Variants in ZNF75D observed in about 807,000 individuals in gnomAD.
The protein encoded by ZNF75D is zinc finger protein 75.
A neutral mutation model predicts 33.3 loss-of-function variants in ZNF75D; 33 were observed. The ratio of observed to expected loss-of-function variants is 0.99; its 90% confidence interval spans 0.75 to 1.32. The LOEUF (loss-of-function observed/expected upper bound fraction) is 1.32, where lower values mean the gene tolerates loss of function less well. Ranked by LOEUF, ZNF75D falls within the 40% of genes most tolerant of loss-of-function variation. ZNF75D has a pLI of 0.00. For missense variants in ZNF75D, 338 were observed against 367.5 expected, an observed-to-expected ratio of 0.92 and a Z score of 0.66; for synonymous variants, 113 against 130.6, an observed-to-expected ratio of 0.87 and a Z score of 0.92.
intron 1 of ZNF75D, among the ~76,000 whole-genome samples, chrX:135,275,965 T>G (rs2083897905): frequency 1.8e-5 from 2 of 111,740 alleles, no homozygotes; most frequent in African/African-American, 6.5e-5. Context: ...TTGAAAATAT[T>G]CTTAATCCAT....
chrX:135,302,535 G>T (rs2084230952), intron 1 of ZNF75D, among the ~76,000 whole-genome samples: 1 of 112,800 alleles, frequency 8.9e-6, no homozygotes, highest in Non-Finnish European at 1.9e-5. Flanking sequence ...GTGTAGCAGA[G>T]CGGGACTTAA....
chrX:135,285,593 GT>G (rs1556419180), downstream of ZNF75D, among the ~76,000 whole-genome samples: 1 of 112,649 alleles, frequency 8.9e-6, no homozygotes, highest in African/African-American at 3.2e-5. Context: ...AGTTCCAAAT[GT>G]TTAGGAAACA....
chrX:135,258,845 T>C (rs1221869520), intron 1 of ZNF75D, among the ~76,000 whole-genome samples: 1 of 112,283 alleles, frequency 8.9e-6, no homozygotes, highest in Non-Finnish European at 1.9e-5. Context: ...TTGCTTTCGA[T>C]GTTTTAGTCA....
intron 1 of ZNF75D, among the ~76,000 whole-genome samples, chrX:135,257,885 A>G (rs2148458241): frequency 9.1e-6 from 1 of 110,387 alleles, no homozygotes; most frequent in South Asian, 3.9e-4. Context: ...GGTTTTATAC[A>G]TGTGCCATGC....
chrX:135,338,223 T>C (rs186510132), intron 1 of ZNF75D, among the ~76,000 whole-genome samples: 1 of 111,291 alleles, frequency 9.0e-6, no homozygotes, highest in East Asian at 2.8e-4. Context: ...CACTGTCTTC[T>C]GTCTCCTGGC....
intron 6 of ZNF75D, among the ~76,000 whole-genome samples, chrX:135,288,386 T>C (rs1174294613): frequency 8.9e-6 from 1 of 112,691 alleles, no homozygotes; most frequent in Non-Finnish European, 1.9e-5. Context: ...ACATTTTCCA[T>C]GAACTAATGA....
At chrX:135,303,933 G>T (rs1556425297) in intron 1 of ZNF75D, among the ~76,000 whole-genome samples, 2 of 112,709 alleles carry the variant, frequency 1.8e-5, no homozygotes, top group Non-Finnish European at 1.9e-5. Context: ...AAGCAGTTGG[G>T]CTCCTTAAAC....
intron 1 of ZNF75D, among the ~76,000 whole-genome samples, chrX:135,301,593 G>A (rs1409498258): frequency 1.8e-5 from 2 of 112,270 alleles, no homozygotes; most frequent in Non-Finnish European, 3.8e-5. Context: ...CCCCATGCAA[G>A]ACCCAAACAC....
chrX:135,315,902 GGAGAA>G (rs1434017725), intron 1 of ZNF75D, among the ~76,000 whole-genome samples: 3 of 111,390 alleles, frequency 2.7e-5, no homozygotes, highest in Non-Finnish European at 5.7e-5. Context: ...ATTTTTAAGT[GGAGAA>G]ATTAATCCTT....
intron 1 of ZNF75D, among the ~76,000 whole-genome samples, chrX:135,329,346 T>C (rs781942472): frequency 6.2e-5 from 7 of 112,030 alleles, no homozygotes; most frequent in African/African-American, 2.3e-4. Context: ...TGCAGTGGTA[T>C]GATCTTGGCT....
At chrX:135,284,805 C>G (rs781807269), downstream of ZNF75D, among the ~76,000 whole-genome samples, 1 of 111,830 alleles carries the variant, frequency 8.9e-6, no homozygotes, top group Non-Finnish European at 1.9e-5. Context: ...GTGGAGTGCT[C>G]TTTTGCTGAC....
intron 1 of ZNF75D, among the ~76,000 whole-genome samples, chrX:135,322,056 C>T (rs1222787405): frequency 8.9e-6 from 1 of 112,077 alleles, no homozygotes; most frequent in African/African-American, 3.2e-5. Flanking sequence ...TTGACTCAAG[C>T]CTTTGTCAAT....
intron 1 of ZNF75D, among the ~76,000 whole-genome samples, chrX:135,280,433 C>CTT (rs1448066832): frequency 1.8e-5 from 2 of 111,812 alleles, no homozygotes; most frequent in Non-Finnish European, 3.8e-5. Context: ...GATCTTGACT[C>CTT]TTTATCCAAT....
At chrX:135,310,493 C>T (rs781990497) in intron 1 of ZNF75D, among the ~76,000 whole-genome samples, 1 of 112,007 alleles carries the variant, frequency 8.9e-6, no homozygotes, top group South Asian at 3.8e-4. Context: ...TATGGGCAAG[C>T]TTAAGTTAGG....
At chrX:135,337,441 G>C (rs1556442812) in intron 1 of ZNF75D, among the ~76,000 whole-genome samples, 1 of 97,609 alleles carries the variant, frequency 1.0e-5, no homozygotes, top group Non-Finnish European at 2.2e-5. Context: ...ATTATCCAGA[G>C]AGAACCACTC....
At chrX:135,298,098 A>T (rs1237518137) in intron 1 of ZNF75D, 1 of 111,782 alleles carries the variant, frequency 8.9e-6, no homozygotes, top group South Asian at 3.7e-4. Flanking sequence ...ATACCATCAC[A>T]TTGGGGATTA....
At chrX:135,266,956 A>C (rs1556416379) in intron 1 of ZNF75D, among the ~76,000 whole-genome samples, 1 of 112,078 alleles carries the variant, frequency 8.9e-6, no homozygotes, top group African/African-American at 3.2e-5. Context: ...ATCAACAAGA[A>C]GATGAATTTT....
intron 3 of ZNF75D, among the ~76,000 whole-genome samples, chrX:135,293,469 C>T: frequency 9.0e-6 from 1 of 111,538 alleles, no homozygotes; most frequent in Non-Finnish European, 1.9e-5. Context: ...CCATGCCAGA[C>T]TAGGCCCACC....
intron 1 of ZNF75D, chrX:135,330,862 A>T (rs1487622320): frequency 8.9e-6 from 1 of 111,806 alleles, no homozygotes; most frequent in Non-Finnish European, 1.9e-5. Flanking sequence ...GCACTCAGAC[A>T]CAGGGGAGAT....
Sources: gnomAD v4.1 joint callset for allele counts (sites outside exome capture counted in the v4.1 genomes callset) on GRCh38, gnomAD v4.1.1 for gene constraint, MANE v1.5 for transcripts, NCBI Gene and HGNC (gene_info 2026-07-23, HGNC 2026-07-21) for gene names.